The following EYS variants were observed in gnomAD, a reference collection of about 807,000 sequenced individuals.
EYS encodes the protein protein eyes shut homolog.
Under a neutral mutation model 282.1 loss-of-function variants are expected in EYS, and 250 were observed. That is an observed-to-expected ratio of 0.89 (90% CI 0.80 to 0.98). The LOEUF (loss-of-function observed/expected upper bound fraction) is 0.98, where lower values mean the gene tolerates loss of function less well. Ranked by LOEUF, EYS falls within the 50% of genes least tolerant of loss-of-function variation. The pLI is 0.00. For synonymous variants in EYS, 1,355 were observed against 1,282.9 expected, an observed-to-expected ratio of 1.06 and a Z score of -1.20; for missense variants, 4,016 against 3,709.0, an observed-to-expected ratio of 1.08 and a Z score of -2.15.
chr6:63,798,977 GTATATGTGTGTA>G (rs1770710453), intron 37 of EYS, among the ~76,000 whole-genome samples: 7 of 75,694 alleles, frequency 9.2e-5, no homozygotes, highest in South Asian at 4.0e-4. Flanking sequence ...ATATATATAT[GTATATGTGTGTA>G]TATATATATA....
chr6:63,862,165 C>G (rs556363445), intron 36 of EYS, among the ~76,000 whole-genome samples: 2 of 152,168 alleles, frequency 1.3e-5, no homozygotes, highest in Non-Finnish European at 2.9e-5. Flanking sequence ...AAAATGCCCT[C>G]CATCCCAGTT....
At position 64,406,856 on chromosome 6, in the gene EYS, G is replaced by GTTCAACT. The variant is rs1302326169; in HGVS notation, c.5928-18017_5928-18016insAGTTGAA. 2.0e-5 allele frequency among the ~76,000 whole-genome samples: 3 copies of GTTCAACT among 152,202 alleles called. No individual in the cohort carries two copies. In the East Asian group the frequency reaches 5.8e-4, roughly 29 times the overall value. On this transcript the variant is annotated intron_variant, in intron 28 of 42. Transcript: ENST00000503581. ...TAGGAATGCTTTTACACTGTTGGTA[G>GTTCAACT]GAGTATAAATTAGTTCAACCATTGT...
chr6:65,531,796 C>G (rs1477126145), intron 2 of EYS, among the ~76,000 whole-genome samples: 1 of 152,078 alleles, frequency 6.6e-6, no homozygotes, highest in Non-Finnish European at 1.5e-5. Context: ...TAGATTTGAG[C>G]TATCTAATTA....
chr6:64,556,866 A>T (rs1377411452), intron 26 of EYS, among the ~76,000 whole-genome samples: 2 of 151,994 alleles, frequency 1.3e-5, no homozygotes, highest in Non-Finnish European at 2.9e-5. Flanking sequence ...AAAAAGAATC[A>T]CTGTAGTAAA....
At chr6:64,123,336 A>G (rs529593073) in intron 31 of EYS, among the ~76,000 whole-genome samples, 13 of 152,308 alleles carry the variant, frequency 8.5e-5, no homozygotes, top group African/African-American at 2.2e-4. Flanking sequence ...TTATATTATT[A>G]ATTTTCCTGT....
chr6:65,428,403 G>T (rs1010754038), intron 5 of EYS, among the ~76,000 whole-genome samples: 1 of 151,978 alleles, frequency 6.6e-6, no homozygotes, highest in Non-Finnish European at 1.5e-5. Context: ...TCAAACACTT[G>T]TATTGCGCTA....
chr6:64,925,407 T>A (rs150838502), intron 15 of EYS, among the ~76,000 whole-genome samples: 1 of 148,146 alleles, frequency 6.8e-6, no homozygotes, highest in East Asian at 2.1e-4. Flanking sequence ...ATGATTTCTT[T>A]GGTTATACGT....
chr6:65,030,122 TC>T (rs1403633202), intron 13 of EYS, among the ~76,000 whole-genome samples: 2 of 152,048 alleles, frequency 1.3e-5, no homozygotes, highest in East Asian at 3.9e-4. Flanking sequence ...CTGGCCACAT[TC>T]CCCGAAGTGT....
chr6:65,123,758 C>CCACCCACA (rs1554157089), intron 12 of EYS, among the ~76,000 whole-genome samples: 8 of 147,002 alleles, frequency 5.4e-5, no homozygotes, highest in African/African-American at 2.0e-4. Flanking sequence ...ACCCACCCAC[C>CCACCCACA]CACACACACA....
chr6:65,511,215 C>T (rs995657583), intron 2 of EYS, among the ~76,000 whole-genome samples: 4 of 152,018 alleles, frequency 2.6e-5, no homozygotes, highest in Non-Finnish European at 4.4e-5. Flanking sequence ...GCTGCTTTTC[C>T]CACTAATGGT....
At chr6:64,961,687 C>A (rs1769925182) in intron 14 of EYS, among the ~76,000 whole-genome samples, 1 of 152,014 alleles carries the variant, frequency 6.6e-6, no homozygotes, top group Non-Finnish European at 1.5e-5. Flanking sequence ...GTATTCTATT[C>A]ATTTTATTAC....
chr6:64,022,046 T>C (rs1374356644), intron 33 of EYS, among the ~76,000 whole-genome samples: 3 of 152,218 alleles, frequency 2.0e-5, no homozygotes, highest in Non-Finnish European at 1.5e-5. Flanking sequence ...TTATTTCCTT[T>C]TTTTCTGTTA....
At chr6:64,060,064 C>T (rs1224751361) in intron 33 of EYS, among the ~76,000 whole-genome samples, 1 of 152,040 alleles carries the variant, frequency 6.6e-6, no homozygotes, top group Non-Finnish European at 1.5e-5. Context: ...ATGAATAAAT[C>T]TAATATCTTA....
intron 22 of EYS, among the ~76,000 whole-genome samples, chr6:64,734,904 A>G (rs145603962): frequency 9.1e-4 from 139 of 152,176 alleles, no homozygotes; most frequent in Non-Finnish European, 1.6e-3. Flanking sequence ...TAGGAATTCT[A>G]TATTTATTAT....
chr6:65,293,309 A>T (rs1768577752), intron 12 of EYS, among the ~76,000 whole-genome samples: 1 of 151,842 alleles, frequency 6.6e-6, no homozygotes, highest in African/African-American at 2.4e-5. Flanking sequence ...TATTATAGAT[A>T]TAAATAACAC....
intron 5 of EYS, among the ~76,000 whole-genome samples, chr6:65,482,021 G>C (rs900980372): frequency 1.1e-4 from 16 of 152,280 alleles, no homozygotes; most frequent in Non-Finnish European, 1.8e-4. Flanking sequence ...GGTAGCAAAG[G>C]AAATTTTTCA....
chr6:64,268,702 A>G (rs534741675), intron 30 of EYS, among the ~76,000 whole-genome samples: 1 of 152,182 alleles, frequency 6.6e-6, no homozygotes, highest in Non-Finnish European at 1.5e-5. Context: ...GCAAGGAATT[A>G]AGAATTGTTT....
chr6:65,146,444 T>A (rs370608432), intron 12 of EYS, among the ~76,000 whole-genome samples: 22 of 152,104 alleles, frequency 1.4e-4, no homozygotes, highest in African/African-American at 5.1e-4. Flanking sequence ...CATGGAAATA[T>A]TCTCATCATG....
intron 7 of EYS, among the ~76,000 whole-genome samples, chr6:65,397,470 G>T (rs1422125569): frequency 6.6e-6 from 1 of 151,822 alleles, no homozygotes; most frequent in East Asian, 1.9e-4. Context: ...AAAAGATTAG[G>T]TTTTTTACTT....
Sources: gnomAD v4.1 joint callset for allele counts (sites outside exome capture counted in the v4.1 genomes callset) on GRCh38, gnomAD v4.1.1 for gene constraint, MANE v1.5 for transcripts, NCBI Gene and HGNC (gene_info 2026-07-23, HGNC 2026-07-21) for gene names.